The following SYNE1 variants were observed in gnomAD, a reference collection of about 807,000 sequenced individuals.
The protein encoded by SYNE1 is nesprin-1.
A neutral mutation model predicts 1,111.0 loss-of-function variants in SYNE1; 616 were observed. The ratio of observed to expected loss-of-function variants is 0.55; its 90% CI spans 0.52 to 0.59. SYNE1 has a LOEUF of 0.59. Ranked by LOEUF, SYNE1 falls within the 20% of genes least tolerant of loss-of-function variation. SYNE1 has a pLI of 0.00. For synonymous variants in SYNE1, 3,855 were observed against 3,825.8 expected, an observed-to-expected ratio of 1.01 and a Z score of -0.28; for missense variants, 10,006 against 10,417.0, an observed-to-expected ratio of 0.96 and a Z score of 1.72.
At chr6:152,202,346 CAAAAAA>C (rs35563822) in intron 126 of SYNE1, among the ~76,000 whole-genome samples, 11 of 48,062 alleles carry the variant, frequency 2.3e-4, no homozygotes, top group East Asian at 1.6e-3. Flanking sequence ...GACTCTGTCT[CAAAAAA>C]AAAAAAAAAA....
At chr6:152,443,612 G>T (rs915628748) in intron 30 of SYNE1, among the ~76,000 whole-genome samples, 1 of 152,008 alleles carries the variant, frequency 6.6e-6, no homozygotes, top group African/African-American at 2.4e-5. Flanking sequence ...AATCCTGAAG[G>T]CTGGGATTTT....
rs1238380625 is a variant in SYNE1, at chr6:152,605,031, A to G, written c.67+23234T>C. ...AAGAGAGAGAGAGAGAGAGAGAGAG[A>G]GAGAGGGAGGGAGGGAGGGAGGGAG... On this transcript the variant is annotated intron_variant, in intron 3 of 145. Coordinates refer to ENST00000367255, the MANE Select transcript of SYNE1 (RefSeq NM_182961.4). Among the ~76,000 whole-genome samples, 127 of 56,494 alleles carry G rather than the reference A, an allele frequency of 2.2e-3. 1 individual carries two copies. Among genetic ancestry groups the G allele is most frequent in the African/African-American group, 4.7e-3 (52 of 10,988 alleles). 37.1% of individuals were successfully genotyped at this position (56,494 alleles called of 152,430 possible). A position where few individuals can be genotyped will look rare whatever the true frequency, so the allele number is the denominator to read the frequency against.
At chr6:152,501,058 AAGAC>A (rs1346938719) in intron 10 of SYNE1, among the ~76,000 whole-genome samples, 4 of 152,256 alleles carry the variant, frequency 2.6e-5, no homozygotes, top group East Asian at 1.9e-4. Context: ...CTGAACAGTG[AAGAC>A]AGACAGTTTT....
intron 90 of SYNE1, 55 bp from the exon 91 acceptor site, chr6:152,308,687 C>G (rs1360841697): frequency 6.4e-7 from 1 of 1,556,150 alleles, no homozygotes; most frequent in Non-Finnish European, 8.7e-7. Context: ...CTACCAATAA[C>G]TAGGTAAGTG....
chr6:152,419,177 T>C (rs2098215530), intron 40 of SYNE1, among the ~76,000 whole-genome samples: 1 of 152,186 alleles, frequency 6.6e-6, no homozygotes, highest in Non-Finnish European at 1.5e-5. Context: ...AAATAAGCTT[T>C]AAATCATTTT....
intron 49 of SYNE1, among the ~76,000 whole-genome samples, chr6:152,398,396 C>A (rs986172672): frequency 3.3e-5 from 5 of 152,020 alleles, no homozygotes; most frequent in Middle Eastern, 3.2e-3. Context: ...TGTCAATAGG[C>A]TAAAAAAAGA....
In SYNE1 at chr6:152,157,777, T is replaced by TTTC. The variant is rs2061661070; in HGVS notation, c.23791-1681_23791-1680insGAA. 2.0e-5 allele frequency among the ~76,000 whole-genome samples: 3 copies of TTTC among 151,206 alleles called. No individual in the cohort carries two copies. The South Asian group carries it at 6.3e-4, about 32-fold the overall frequency. ...AACAAATTCTTTTTTTTTTTTTTTT[T>TTTC]AGATGGAGTCTCACTCTGTCGCCCA... is the stretch of plus-strand genomic sequence containing the variant. On this transcript the variant is annotated intron_variant, in intron 131 of 145. Transcript: ENST00000367255.
chr6:152,394,514 C>T (rs2097700514), intron 51 of SYNE1, among the ~76,000 whole-genome samples: 1 of 151,938 alleles, frequency 6.6e-6, no homozygotes, highest in Admixed American at 6.6e-5. Flanking sequence ...GGGTGGAGCA[C>T]AAATTTGGGA....
At position 152,337,260 on chromosome 6, in the gene SYNE1, T is replaced by C. The variant is rs180935957; in HGVS notation, c.12352-243A>G. On this transcript the variant is annotated intron_variant, in intron 75 of 145. Coordinates refer to ENST00000367255, the MANE Select transcript of SYNE1 (RefSeq NM_182961.4). ...TTAAATGTCTACAAGTTATGCTATA[T>C]GGTTTTAATCAGTGTTGTGAAACTC... Among the ~76,000 whole-genome samples the C allele has an allele frequency of 3.3e-5, 5 of 152,120 alleles. No individual in the cohort carries two copies. The East Asian group carries it at 9.7e-4, about 29-fold the overall frequency.
chr6:152,166,904 C>CT (rs1250474895), intron 130 of SYNE1, among the ~76,000 whole-genome samples: 3 of 151,818 alleles, frequency 2.0e-5, no homozygotes, highest in Non-Finnish European at 2.9e-5. Flanking sequence ...AGGGATCATT[C>CT]TTTTTTTTAG....
Position 152,155,175 on chromosome 6 carries a change from G to A in SYNE1, c.23979-133C>T, listed in dbSNP as rs1229403559. 9 of 1,068,608 alleles carry A rather than the reference G, an allele frequency of 8.4e-6. No individual in the cohort carries two copies. In the East Asian group the frequency reaches 1.2e-4, roughly 15 times the overall value. The allele number at this position is 1,068,608 out of a possible 1,614,324, so 66.2% of individuals were successfully genotyped here. On this transcript the variant is annotated intron_variant, in intron 132 of 145. Transcript: ENST00000367255. ...TTGTGCCAAACGATAACCATTCCTCGAGCCAAATTTGACCAGAGAGCAAGA... is the reference window on the plus strand; with the variant it reads ...TTGTGCCAAACGATAACCATTCCTCAAGCCAAATTTGACCAGAGAGCAAGA...
intron 115 of SYNE1, among the ~76,000 whole-genome samples, chr6:152,228,155 A>G (rs1255143212): frequency 3.3e-5 from 5 of 152,232 alleles, no homozygotes; most frequent in African/African-American, 1.2e-4. Context: ...TGACAGTTGT[A>G]TCAAGACCTG....
chr6:152,409,245 T>G lies in SYNE1; in HGVS notation c.6382-19A>C, dbSNP rs1353156179. 6.2e-7 allele frequency: 1 copy of G among 1,611,340 alleles called. No individual in the cohort carries two copies. The highest frequency in any genetic ancestry group is 1.3e-5 in the African/African-American group (1 of 74,876). On this transcript the variant is annotated intron_variant, in intron 43 of 145. Coordinates refer to ENST00000367255, the MANE Select transcript of SYNE1 (RefSeq NM_182961.4). ...TTTCATGCTGTGGATAAATGATTTC[T>G]TAATTAATAAAATAGTCAGTGATAA... is the stretch of plus-strand genomic sequence containing the variant.
intron 22 of SYNE1, 119 bp from the exon 23 acceptor site, chr6:152,456,163 C>A: frequency 9.3e-7 from 1 of 1,080,318 alleles, no homozygotes; most frequent in African/African-American, 1.6e-5. Flanking sequence ...GCTTCTAACA[C>A]CAATAAGTAA....
rs11964367 is a variant in SYNE1 at position 152,159,334 on chromosome 6, A to C, written c.23791-3237T>G. Reference sequence around the variant, plus strand: ...CTATAAATCAGGGCTCTAAGGGTTCAAATAGTTATGGCTTTGTCCCAGATC... The same window carrying C: ...CTATAAATCAGGGCTCTAAGGGTTCCAATAGTTATGGCTTTGTCCCAGATC... On this transcript the variant is annotated intron_variant, in intron 131 of 145. Coordinates refer to ENST00000367255, the MANE Select transcript of SYNE1 (RefSeq NM_182961.4). Among the ~76,000 whole-genome samples the C allele has an allele frequency of 4.1e-3, 621 of 152,316 alleles. 3 individuals carry two copies. The highest frequency in any genetic ancestry group is 0.014 in the African/African-American group (599 of 41,574).
At chr6:152,398,332 C>T (rs1406313613) in intron 49 of SYNE1, among the ~76,000 whole-genome samples, 3 of 152,108 alleles carry the variant, frequency 2.0e-5, no homozygotes, top group Admixed American at 2.0e-4. Context: ...TTATTATACT[C>T]TTATTGTTAT....
At chr6:152,429,604 G>A (rs78656078) in intron 36 of SYNE1, among the ~76,000 whole-genome samples, 2,855 of 152,026 alleles carry the variant, frequency 0.019, 32 homozygotes, top group Non-Finnish European at 0.027. Flanking sequence ...TTCTTTGTAC[G>A]TAATTATCCC....
rs991563537 is a variant in SYNE1 at position 152,391,709 on chromosome 6, T to C, written c.7713-141A>G. 7.8e-6 allele frequency: 8 copies of C among 1,029,686 alleles called. No individual in the cohort carries two copies. The East Asian group carries it at 2.1e-4, about 27-fold the overall frequency. 63.8% of individuals were successfully genotyped at this position (1,029,686 alleles called of 1,614,324 possible). ...TGACATGCCTTTTAAATAAAGATGC[T>C]GGGAACTGACCTGGTTATTTCATTC... On this transcript the variant is annotated intron_variant, in intron 51 of 145. Coordinates refer to ENST00000367255, the MANE Select transcript of SYNE1 (RefSeq NM_182961.4).
chr6:152,292,265 G>A (rs185321892), intron 95 of SYNE1, among the ~76,000 whole-genome samples: 52 of 152,330 alleles, frequency 3.4e-4, no homozygotes, highest in Admixed American at 3.1e-3. Flanking sequence ...AGTCCCCCAA[G>A]CCCCTGACCA....
Sources: gnomAD v4.1 joint callset for allele counts (sites outside exome capture counted in the v4.1 genomes callset) on GRCh38, gnomAD v4.1.1 for gene constraint, MANE v1.5 for transcripts, NCBI Gene and HGNC (gene_info 2026-07-23, HGNC 2026-07-21) for gene names.